The following GIGYF2 variants were observed in gnomAD, a reference collection of about 807,000 sequenced individuals.
The protein encoded by GIGYF2 is GRB10 interacting GYF protein 2, also known as GRB10-interacting GYF protein 2.
Under a neutral mutation model 208.1 loss-of-function variants are expected in GIGYF2, and 25 were observed. That is an observed-to-expected ratio of 0.12 (90% CI 0.09 to 0.17). GIGYF2 has a LOEUF of 0.17. Ranked by LOEUF, GIGYF2 falls within the 10% of genes least tolerant of loss-of-function variation. GIGYF2 has a pLI of 1.00. For synonymous variants in GIGYF2, 534 were observed against 543.8 expected, an observed-to-expected ratio of 0.98 and a Z score of 0.25; for missense variants, 1,302 against 1,579.4, an observed-to-expected ratio of 0.82 and a Z score of 2.98.
At chr2:232,770,225 G>T (rs1163058119) in intron 8 of GIGYF2, among the ~76,000 whole-genome samples, 1 of 152,124 alleles carries the variant, frequency 6.6e-6, no homozygotes, top group Non-Finnish European at 1.5e-5. Flanking sequence ...TTATTGAATA[G>T]TATATTAAAG....
At chr2:232,764,395 A>C (rs957934772) in intron 8 of GIGYF2, 2 of 152,238 alleles carry the variant, frequency 1.3e-5, no homozygotes, top group African/African-American at 4.8e-5. Context: ...GTCACAGGCA[A>C]GCCTAAGCAT....
intron 22 of GIGYF2, 101 bp from the exon 23 acceptor site, chr2:232,839,748 G>C (rs959969579): frequency 8.5e-7 from 1 of 1,172,504 alleles, no homozygotes; most frequent in Non-Finnish European, 1.3e-6. Context: ...AAATGGAGTT[G>C]AGAGAAATGC....
chr2:232,792,232 G>T (rs1301781875), intron 12 of GIGYF2, among the ~76,000 whole-genome samples: 1 of 151,988 alleles, frequency 6.6e-6, no homozygotes, highest in Non-Finnish European at 1.5e-5. Flanking sequence ...CCTTTTCTCT[G>T]TTCTTGAAAC....
At chr2:232,741,158 C>CAAAGTA (rs1282518685) in intron 3 of GIGYF2, among the ~76,000 whole-genome samples, 1 of 152,158 alleles carries the variant, frequency 6.6e-6, no homozygotes, top group East Asian at 1.9e-4. Context: ...TATACTTTTC[C>CAAAGTA]AAAACTGATC....
intron 8 of GIGYF2, among the ~76,000 whole-genome samples, chr2:232,774,084 C>T (rs925001154): frequency 1.9e-4 from 28 of 151,182 alleles, no homozygotes; most frequent in Admixed American, 2.6e-4. Context: ...GAATTCAAGA[C>T]CGATCTGGCC....
chr2:232,799,316 G>A (rs937502721), intron 14 of GIGYF2, among the ~76,000 whole-genome samples: 2 of 151,946 alleles, frequency 1.3e-5, no homozygotes, highest in African/African-American at 4.8e-5. Flanking sequence ...GGCTGAGGTG[G>A]GAGGATTGCT....
At chr2:232,730,424 G>C (rs980910896) in intron 2 of GIGYF2, among the ~76,000 whole-genome samples, 3 of 151,468 alleles carry the variant, frequency 2.0e-5, no homozygotes, top group Non-Finnish European at 4.4e-5. Context: ...GGCCAACATG[G>C]TGAAACCCCG....
intron 26 of GIGYF2, 43 bp downstream of exon 26, chr2:232,845,929 C>G: frequency 7.4e-7 from 1 of 1,345,938 alleles, no homozygotes; most frequent in Non-Finnish European, 1.1e-6. Context: ...AATGACAGAG[C>G]AGGACCCACA....
At chr2:232,811,469 C>A in intron 17 of GIGYF2, 118 bp downstream of exon 17, 1 of 719,408 alleles carries the variant, frequency 1.4e-6, no homozygotes, top group African/African-American at 1.7e-5. Context: ...CCAACACATA[C>A]CTGCATGTTG....
At position 232,771,263 on chromosome 2, in the gene GIGYF2, C is replaced by A. The variant is rs769160785; in HGVS notation, c.532+9827C>A. The A allele has an allele frequency of 2.5e-6, 4 of 1,607,854 alleles. No individual in the cohort carries two copies. The South Asian group carries it at 3.3e-5, about 13-fold the overall frequency. ...CGAAGATATGCAAGACCTCTTTGAG[C>A]GCCATCCATTTGAAGTGTGCTGTGG... On this transcript the variant is annotated intron_variant, in intron 8 of 28. Transcript: ENST00000373563.
chr2:232,769,677 A>G (rs558940526), intron 8 of GIGYF2, among the ~76,000 whole-genome samples: 8 of 152,174 alleles, frequency 5.3e-5, no homozygotes, highest in South Asian at 2.1e-4. Flanking sequence ...TATATATAAG[A>G]GTTTCTTAAT....
intron 8 of GIGYF2, among the ~76,000 whole-genome samples, chr2:232,762,600 C>T (rs1698791721): frequency 6.6e-6 from 1 of 152,152 alleles, no homozygotes. Context: ...ATACCATTCA[C>T]AGACTGACTT....
intron 8 of GIGYF2, among the ~76,000 whole-genome samples, chr2:232,770,195 A>G (rs1288769290): frequency 2.6e-5 from 4 of 152,196 alleles, no homozygotes; most frequent in Non-Finnish European, 4.4e-5. Flanking sequence ...ATACGGCCCA[A>G]TGCTTACCTT....
chr2:232,847,719 A>G (rs1178909623), intron 27 of GIGYF2, 148 bp downstream of exon 27: 3 of 1,139,172 alleles, frequency 2.6e-6, no homozygotes, highest in African/African-American at 3.1e-5. Flanking sequence ...CATATTTTCA[A>G]ATTACTTGTC....
At chr2:232,781,322 A>ACACACACACACACACAC (rs1559427073) in intron 8 of GIGYF2, among the ~76,000 whole-genome samples, 5 of 149,614 alleles carry the variant, frequency 3.3e-5, no homozygotes, top group East Asian at 2.0e-4. Flanking sequence ...ACACACACAC[A>ACACACACACACACACAC]ACTTATAAAG....
At chr2:232,805,395 A>G (rs746196352) in intron 14 of GIGYF2, among the ~76,000 whole-genome samples, 55 of 152,106 alleles carry the variant, frequency 3.6e-4, no homozygotes, top group Non-Finnish European at 4.6e-4. Context: ...TGGTGCATAC[A>G]TATTACAATT....
intron 17 of GIGYF2, 27 bp downstream of exon 17, chr2:232,811,378 T>C: frequency 1.7e-6 from 2 of 1,202,896 alleles, no homozygotes; most frequent in Non-Finnish European, 2.5e-6. Context: ...TTATGTGTCA[T>C]ATGGGGTGCA....
chr2:232,750,414 C>T (rs1698294564), intron 5 of GIGYF2, among the ~76,000 whole-genome samples: 1 of 152,190 alleles, frequency 6.6e-6, no homozygotes, highest in Non-Finnish European at 1.5e-5. Context: ...TGCTCCCTTT[C>T]CCAGAGGCCG....
intron 13 of GIGYF2, 151 bp downstream of exon 13, chr2:232,795,095 C>A: frequency 1.4e-6 from 1 of 703,338 alleles, no homozygotes; most frequent in Non-Finnish European, 2.6e-6. Flanking sequence ...AAGTCATTGT[C>A]TTTCAAATCA....
Sources: gnomAD v4.1 joint callset for allele counts (sites outside exome capture counted in the v4.1 genomes callset) on GRCh38, gnomAD v4.1.1 for gene constraint, MANE v1.5 for transcripts, NCBI Gene and HGNC (gene_info 2026-07-23, HGNC 2026-07-21) for gene names.